SGCZ: variants seen among roughly 807,000 people sequenced by gnomAD.
The protein encoded by SGCZ is zeta-sarcoglycan.
SGCZ carries 40 observed loss-of-function variants against 41.3 expected under a neutral mutation model. That is an observed-to-expected ratio of 0.97 (90% CI 0.75 to 1.26). The LOEUF is 1.26. SGCZ is among the 50% of genes most tolerant of loss of function. SGCZ has a pLI of 0.00. For missense variants in SGCZ, 552 were observed against 369.8 expected (o/e 1.49, Z -4.04); for synonymous variants, 206 against 137.5 (o/e 1.50, Z -3.49).
chr8:14,590,551 C>T (rs557977686), intron 1 of SGCZ, among the ~76,000 whole-genome samples: 106 of 150,636 alleles, frequency 7.0e-4, no homozygotes, highest in South Asian at 6.9e-3. Context: ...TTTCTTCTTT[C>T]TATATTATTG....
At chr8:14,474,866 T>A (rs1419625458) in intron 2 of SGCZ, among the ~76,000 whole-genome samples, 1 of 152,164 alleles carries the variant, frequency 6.6e-6, no homozygotes, top group African/African-American at 2.4e-5. Flanking sequence ...TGCAAATGCA[T>A]CATTCCAAAA....
chr8:14,405,135 G>A (rs918287051), intron 2 of SGCZ, among the ~76,000 whole-genome samples: 5 of 152,128 alleles, frequency 3.3e-5, no homozygotes, highest in Admixed American at 3.3e-4. Context: ...GACTGTGAGT[G>A]TTCACTTTGA....
At chr8:15,069,000 G>A (rs766670030) in intron 1 of SGCZ, among the ~76,000 whole-genome samples, 14 of 152,154 alleles carry the variant, frequency 9.2e-5, no homozygotes, top group East Asian at 3.9e-4. Context: ...AAAGCTGATC[G>A]CCAAAAAATA....
intron 1 of SGCZ, among the ~76,000 whole-genome samples, chr8:15,055,867 A>G (rs572263572): frequency 6.6e-6 from 1 of 152,096 alleles, no homozygotes; most frequent in Non-Finnish European, 1.5e-5. Flanking sequence ...TTGCTGCTCC[A>G]CCTGCCTGAA....
intron 1 of SGCZ, among the ~76,000 whole-genome samples, chr8:14,658,782 A>G (rs2117476754): frequency 6.6e-6 from 1 of 152,258 alleles, no homozygotes; most frequent in East Asian, 1.9e-4. Context: ...AGTTTCCACA[A>G]GAGCAAGGAT....
intron 2 of SGCZ, among the ~76,000 whole-genome samples, chr8:14,538,825 T>C (rs557270447): frequency 4.7e-4 from 72 of 151,964 alleles, no homozygotes; most frequent in Non-Finnish European, 7.7e-4. Context: ...GAGTCTTACA[T>C]ATATTTTAAG....
intron 1 of SGCZ, among the ~76,000 whole-genome samples, chr8:14,769,816 C>CAAAAAAAAAAAAAAAAAAAAAAAAAA (rs1800174947): frequency 1.1e-5 from 1 of 91,218 alleles, no homozygotes; most frequent in Non-Finnish European, 1.9e-5. Flanking sequence ...AAAAAAAAAA[C>CAAAAAAAAAAAAAAAAAAAAAAAAAA]CCAGCAACAA....
intron 1 of SGCZ, among the ~76,000 whole-genome samples, chr8:15,137,450 G>C (rs574949456): frequency 6.6e-6 from 1 of 152,202 alleles, no homozygotes; most frequent in Non-Finnish European, 1.5e-5. Context: ...TGTCTCCAAG[G>C]CATGTCGGGG....
At chr8:15,017,805 C>T (rs1252386105) in intron 1 of SGCZ, among the ~76,000 whole-genome samples, 2 of 152,080 alleles carry the variant, frequency 1.3e-5, no homozygotes. Context: ...GGTGCCTGGC[C>T]ATCATCACAC....
In SGCZ at chr8:14,760,133, T is replaced by A. The variant is rs186731144; in HGVS notation, c.40-205207A>T. ...GTTCCACAGTTATGCGTTTCAACAT[T>A]TCATACTTAATTATGTAAATAAATG... On this transcript the variant is annotated intron_variant, in intron 1 of 7. Transcript: ENST00000382080. Among the ~76,000 whole-genome samples, 69 of 152,284 alleles carry A rather than the reference T, an allele frequency of 4.5e-4. No homozygotes were observed. In the East Asian group the frequency reaches 0.013, roughly 29 times the overall value.
intron 1 of SGCZ, among the ~76,000 whole-genome samples, chr8:14,755,668 T>C (rs913975493): frequency 2.0e-5 from 3 of 152,134 alleles, no homozygotes; most frequent in African/African-American, 7.2e-5. Context: ...GATATACATA[T>C]ACACTTCTAT....
intron 1 of SGCZ, among the ~76,000 whole-genome samples, chr8:14,992,697 C>CA (rs1181377293): frequency 7.3e-6 from 1 of 137,520 alleles, no homozygotes; most frequent in African/African-American, 2.8e-5. Flanking sequence ...TGATATTTAC[C>CA]CCCCACCCAT....
intron 1 of SGCZ, among the ~76,000 whole-genome samples, chr8:14,944,676 C>G (rs1369149609): frequency 6.6e-6 from 1 of 152,122 alleles, no homozygotes. Context: ...ATACTATGTA[C>G]ATGGGCTCTT....
At chr8:14,201,465 T>C (rs1805453095) in intron 4 of SGCZ, among the ~76,000 whole-genome samples, 1 of 152,176 alleles carries the variant, frequency 6.6e-6, no homozygotes, top group Non-Finnish European at 1.5e-5. Flanking sequence ...ACAAAATTGT[T>C]GATTCCTGCA....
chr8:14,271,986 C>T (rs377031983), intron 3 of SGCZ, among the ~76,000 whole-genome samples: 35 of 152,072 alleles, frequency 2.3e-4, no homozygotes, highest in East Asian at 1.9e-3. Flanking sequence ...TGCATGCTTT[C>T]ATTCACTTAC....
intron 1 of SGCZ, among the ~76,000 whole-genome samples, chr8:14,888,126 A>G (rs1257451615): frequency 1.3e-5 from 2 of 152,198 alleles, no homozygotes; most frequent in Admixed American, 6.5e-5. Context: ...AAGTAGACAA[A>G]GAATATAAAC....
chr8:14,259,673 TCTGTTTTGGTACCAGTACCATG>T (rs1799585263), intron 3 of SGCZ, among the ~76,000 whole-genome samples: 1 of 144,502 alleles, frequency 6.9e-6, no homozygotes, highest in African/African-American at 2.5e-5. Context: ...GATCTATATT[TCTGTTTTGGTACCAGTACCATG>T]CTGTTTTGGT....
chr8:15,016,540 G>C (rs1204401541), intron 1 of SGCZ, among the ~76,000 whole-genome samples: 1 of 152,180 alleles, frequency 6.6e-6, no homozygotes, highest in Non-Finnish European at 1.5e-5. Flanking sequence ...CGTAGACCAG[G>C]AACGCACTGT....
At chr8:14,731,696 T>C (rs867025721) in intron 1 of SGCZ, among the ~76,000 whole-genome samples, 16 of 152,344 alleles carry the variant, frequency 1.1e-4, no homozygotes, top group African/African-American at 3.8e-4. Flanking sequence ...ATTGTACATA[T>C]GACACATTTT....
Sources: gnomAD v4.1 joint callset for allele counts (sites outside exome capture counted in the v4.1 genomes callset) on GRCh38, gnomAD v4.1.1 for gene constraint, MANE v1.5 for transcripts, NCBI Gene and HGNC (gene_info 2026-07-23, HGNC 2026-07-21) for gene names.